Variants in NFYB observed in about 807,000 individuals in gnomAD.
NFYB encodes nuclear transcription factor Y subunit beta, also known as CAAT box DNA-binding protein subunit B.
A neutral mutation model predicts 28.0 loss-of-function variants in NFYB; 13 were observed. The ratio of observed to expected loss-of-function variants is 0.46; its 90% CI spans 0.30 to 0.74. The LOEUF is 0.74. Among genes scored for constraint, NFYB ranks in the 30% least tolerant of loss-of-function variants. The pLI is 0.07. For synonymous variants in NFYB, 74 were observed against 75.0 expected, an observed-to-expected ratio of 0.99 and a Z score of 0.07; for missense variants, 142 against 247.6, an observed-to-expected ratio of 0.57 and a Z score of 2.86.
chr12:104,134,817 G>C (rs1292126246), intron 2 of NFYB, among the ~76,000 whole-genome samples: 1 of 152,104 alleles, frequency 6.6e-6, no homozygotes, highest in East Asian at 1.9e-4. Flanking sequence ...GGAGTGAAGC[G>C]ACCACAGCTC....
intron 5 of NFYB, 58 bp downstream of exon 5, chr12:104,123,168 T>G (rs2030545755): frequency 7.5e-7 from 1 of 1,331,226 alleles, no homozygotes; most frequent in African/African-American, 1.5e-5. Flanking sequence ...AGAGCGATAC[T>G]CCACCTCAAA....
intron 6 of NFYB, 34 bp downstream of exon 6, chr12:104,121,206 C>A (rs1367280995): frequency 1.3e-6 from 2 of 1,518,608 alleles, no homozygotes; most frequent in Admixed American, 3.5e-5. Context: ...TCATTGCTAA[C>A]AATCTACATG....
chr12:104,130,321 T>C (rs1391025913), intron 2 of NFYB, among the ~76,000 whole-genome samples: 1 of 152,230 alleles, frequency 6.6e-6, no homozygotes, highest in African/African-American at 2.4e-5. Context: ...CCATCTCTGT[T>C]GAATTTTTAT....
chr12:104,133,879 T>C lies in NFYB; in HGVS notation c.6+1569A>G, dbSNP rs1005096207. On this transcript the variant is annotated intron_variant, in intron 2 of 7. Coordinates refer to ENST00000240055, the MANE Select transcript of NFYB (RefSeq NM_006166.4). ...CAGAAGTACACAGAGATATATAAAA[T>C]CTTAATTCTGCCCCATACCCTTGCC... Among the ~76,000 whole-genome samples the C allele has an allele frequency of 5.3e-5, 8 of 152,298 alleles. No homozygotes were observed. In the East Asian group the frequency reaches 1.5e-3, roughly 29 times the overall value.
At chr12:104,132,302 A>G (rs745348905) in intron 2 of NFYB, among the ~76,000 whole-genome samples, 1 of 152,144 alleles carries the variant, frequency 6.6e-6, no homozygotes, top group Non-Finnish European at 1.5e-5. Flanking sequence ...CAAGAAATAC[A>G]GTACTGGTGG....
chr12:104,135,631 G>T, intron 1 of NFYB, 99 bp from the exon 2 acceptor site: 1 of 460,386 alleles, frequency 2.2e-6, no homozygotes, highest in East Asian at 3.5e-5. Context: ...ATTAAAGAGG[G>T]CTTGTATAAT....
chr12:104,121,141 T>C (rs2030456271), intron 6 of NFYB, 99 bp downstream of exon 6: 2 of 932,000 alleles, frequency 2.1e-6, no homozygotes, highest in Admixed American at 2.1e-5. Flanking sequence ...AATAGTGCTT[T>C]GTCAAAATAC....
chr12:104,135,357 A>G (rs1365583249), intron 2 of NFYB, 91 bp downstream of exon 2: 1 of 1,106,906 alleles, frequency 9.0e-7, no homozygotes, highest in Non-Finnish European at 1.3e-6. Context: ...TCATTCTACC[A>G]GGCACCTCCA....
chr12:104,132,280 G>A (rs1322936057), intron 2 of NFYB, among the ~76,000 whole-genome samples: 1 of 152,064 alleles, frequency 6.6e-6, no homozygotes, highest in Non-Finnish European at 1.5e-5. Flanking sequence ...GAATGTTCTA[G>A]GCAGAGAAAA....
At chr12:104,128,751 C>A (rs1254776273) in intron 2 of NFYB, 15 of 208,530 alleles carry the variant, frequency 7.2e-5, no homozygotes, top group Admixed American at 5.7e-5. Context: ...ACTGCAGAAT[C>A]CACCTCCCAG....
chr12:104,137,051 A>AT (rs1278309704), intron 1 of NFYB, among the ~76,000 whole-genome samples: 13 of 152,204 alleles, frequency 8.5e-5, no homozygotes, highest in Admixed American at 8.5e-4. Flanking sequence ...AGTGCCACTG[A>AT]TATTGATCCG....
intron 7 of NFYB, 135 bp downstream of exon 7, chr12:104,120,265 G>C (rs1346145858): frequency 4.8e-6 from 3 of 619,754 alleles, no homozygotes; most frequent in East Asian, 6.0e-5. Context: ...ATGTTGGCCA[G>C]GCTGGTCTTG....
intron 1 of NFYB, among the ~76,000 whole-genome samples, chr12:104,136,677 G>A (rs528491874): frequency 6.6e-5 from 10 of 152,130 alleles, no homozygotes; most frequent in African/African-American, 2.4e-4. Context: ...TGGGCAGGGA[G>A]TCATACCACA....
In NFYB at chr12:104,121,020, C is replaced by T. The variant is rs118045978; in HGVS notation, c.511+220G>A. Among the ~76,000 whole-genome samples the T allele has an allele frequency of 1.6e-4, 25 of 152,242 alleles. No homozygotes were observed. The East Asian group carries it at 4.6e-3, about 28-fold the overall frequency. On this transcript the variant is annotated intron_variant, in intron 6 of 7. Transcript: ENST00000240055. ...TCACCAAAAACTAGGGGCTACAGAACTCAGTCAGAACTATCAGTGAAAGGT... is the reference window on the plus strand; with the variant it reads ...TCACCAAAAACTAGGGGCTACAGAATTCAGTCAGAACTATCAGTGAAAGGT...
intron 2 of NFYB, among the ~76,000 whole-genome samples, chr12:104,128,777 C>A (rs1280551589): frequency 1.3e-5 from 2 of 152,132 alleles, no homozygotes; most frequent in Non-Finnish European, 2.9e-5. Flanking sequence ...AGCAATCCTC[C>A]CACCTCAGCC....
intron 2 of NFYB, chr12:104,131,466 C>T: frequency 4.3e-6 from 1 of 231,682 alleles, no homozygotes; most frequent in Non-Finnish European, 8.8e-6. Flanking sequence ...GTTCTCTATC[C>T]TCCTTTAATC....
At chr12:104,128,573 G>A (rs2030810960) in intron 2 of NFYB, 56 bp from the exon 3 acceptor site, 2 of 1,176,714 alleles carry the variant, frequency 1.7e-6, no homozygotes, top group Non-Finnish European at 2.5e-6. Flanking sequence ...AAACGTAACA[G>A]ATTCAACACT....
intron 2 of NFYB, 154 bp from the exon 3 acceptor site, chr12:104,128,671 T>A (rs772647307): frequency 7.1e-6 from 3 of 422,562 alleles, no homozygotes; most frequent in African/African-American, 2.1e-5. Context: ...TTTTAAAAAA[T>A]TAATTATTTT....
At chr12:104,128,130 ATT>A (rs1380939533) in intron 3 of NFYB, among the ~76,000 whole-genome samples, 1 of 152,252 alleles carries the variant, frequency 6.6e-6, no homozygotes, top group African/African-American at 2.4e-5. Context: ...TTGATTATAA[ATT>A]TCTTATTTAA....
Sources: allele counts gnomAD v4.1 joint callset (sites outside exome capture counted in the v4.1 genomes callset), GRCh38; gene constraint gnomAD v4.1.1; transcripts MANE v1.5; gene names NCBI Gene and HGNC (gene_info 2026-07-23, HGNC 2026-07-21).